Variants in NFATC3 observed in about 807,000 individuals in gnomAD.
NFATC3 encodes the protein nuclear factor of activated T-cells, cytoplasmic 3.
Under a neutral mutation model 98.6 loss-of-function variants are expected in NFATC3, and 46 were observed. That is an observed-to-expected ratio of 0.47 (90% CI 0.37 to 0.60). The LOEUF is 0.60. Among genes scored for constraint, NFATC3 ranks in the 20% least tolerant of loss-of-function variants. NFATC3 has a pLI of 0.00. For missense variants in NFATC3, 1,256 were observed against 1,295.5 expected (o/e 0.97, Z 0.47); for synonymous variants, 512 against 472.2 (o/e 1.08, Z -1.09).
intron 9 of NFATC3, among the ~76,000 whole-genome samples, chr16:68,211,817 C>T (rs1033986007): frequency 2.0e-5 from 3 of 152,182 alleles, no homozygotes; most frequent in African/African-American, 4.8e-5. Flanking sequence ...GCACCGTGCC[C>T]GGCACACTTT....
rs886406568 is a variant in NFATC3 at position 68,227,789 on chromosome 16, T to TG, written c.*1321dup. The TG allele has an allele frequency of 6.6e-6, 1 of 151,362 alleles. No homozygotes were observed. The highest frequency in any genetic ancestry group is 2.4e-5 in the African/African-American group (1 of 41,104). 9.4% of individuals were successfully genotyped at this position (151,362 alleles called of 1,614,324 possible). A position where few individuals can be genotyped will look rare whatever the true frequency, so the allele number is the denominator to read the frequency against. On this transcript the variant is annotated 3_prime_UTR_variant, in exon 10 of 10. Transcript: ENST00000346183. ...TGTCTACCAAAGGAGGTACCCGAGT[T>TG]GGGTACTTTAAAAAAAAAAAAAACC...
chr16:68,222,584 C>T (rs183259202), intron 9 of NFATC3, among the ~76,000 whole-genome samples: 1 of 152,298 alleles, frequency 6.6e-6, no homozygotes, highest in East Asian at 1.9e-4. Context: ...GCCTAAAATA[C>T]ACACTGTGAA....
intron 1 of NFATC3, among the ~76,000 whole-genome samples, chr16:68,110,082 G>A (rs1368476317): frequency 6.6e-6 from 1 of 152,088 alleles, no homozygotes; most frequent in Non-Finnish European, 1.5e-5. Context: ...TTGGCTCACT[G>A]CAACCTCCAC....
chr16:68,202,504 G>A (rs2040967004), intron 9 of NFATC3, among the ~76,000 whole-genome samples: 1 of 152,100 alleles, frequency 6.6e-6, no homozygotes, highest in South Asian at 2.1e-4. Flanking sequence ...GGTTTCACTG[G>A]TGTCTATTTT....
At chr16:68,204,070 C>T (rs1160543198) in intron 9 of NFATC3, among the ~76,000 whole-genome samples, 3 of 152,156 alleles carry the variant, frequency 2.0e-5, no homozygotes, top group African/African-American at 7.2e-5. Flanking sequence ...CATCTGTAAT[C>T]TCAGCTACTT....
At chr16:68,177,037 T>C (rs1344257920) in intron 6 of NFATC3, among the ~76,000 whole-genome samples, 3 of 151,190 alleles carry the variant, frequency 2.0e-5, no homozygotes, top group South Asian at 2.1e-4. Context: ...CTTTTCTTTT[T>C]TTTTTTTTTG....
intron 1 of NFATC3, among the ~76,000 whole-genome samples, chr16:68,104,012 A>G (rs1002979514): frequency 5.3e-5 from 8 of 152,136 alleles, no homozygotes; most frequent in Non-Finnish European, 1.0e-4. Flanking sequence ...TTGGCTGTTC[A>G]GAGAATATTC....
chr16:68,114,852 C>T (rs768617360), intron 1 of NFATC3, among the ~76,000 whole-genome samples: 4 of 152,090 alleles, frequency 2.6e-5, no homozygotes, highest in South Asian at 4.1e-4. Context: ...AGATTACAGG[C>T]GTCAGCCACC....
chr16:68,173,338 G>A (rs986919117), intron 5 of NFATC3, among the ~76,000 whole-genome samples: 27 of 151,868 alleles, frequency 1.8e-4, no homozygotes, highest in African/African-American at 5.8e-4. Flanking sequence ...AGGCTGAGGC[G>A]GGCAGATCAC....
intron 1 of NFATC3, among the ~76,000 whole-genome samples, chr16:68,114,329 C>T (rs574403360): frequency 2.1e-4 from 32 of 151,924 alleles, no homozygotes; most frequent in South Asian, 1.0e-3. Flanking sequence ...ATTCACTGGC[C>T]GTTTTTGCTC....
Position 68,226,918 on chromosome 16 carries a change from A to AAAAAAAAAAAAAAAAAAAAAG in NFATC3, c.*452_*453insAAAAAAAAAAAAAAAGAAAAA, listed in dbSNP as rs2042050120. The AAAAAAAAAAAAAAAAAAAAAG allele has an allele frequency of 1.7e-5, 2 of 117,312 alleles. No individual in the cohort carries two copies. Among genetic ancestry groups the AAAAAAAAAAAAAAAAAAAAAG allele is most frequent in the African/African-American group, 5.3e-5 (2 of 38,094 alleles). The allele number at this position is 117,312 out of a possible 1,614,324, so 7.3% of individuals were successfully genotyped here. ...GAAGCAAAAAAAAAAAAAAAAAAAAAAAAAAGAAAAAAAAAGAAAAGAAAA... is the reference window on the plus strand; with the variant it reads ...GAAGCAAAAAAAAAAAAAAAAAAAAAAAAAAAAAAAAAAAAAAAAAGAAAAAGAAAAAAAAAGAAAAGAAAA... On this transcript the variant is annotated 3_prime_UTR_variant, in exon 10 of 10. Coordinates refer to ENST00000346183, the MANE Select transcript of NFATC3 (RefSeq NM_173165.3).
chr16:68,213,551 G>A (rs2041509952), intron 9 of NFATC3, among the ~76,000 whole-genome samples: 1 of 152,054 alleles, frequency 6.6e-6, no homozygotes, highest in South Asian at 2.1e-4. Context: ...CCTCCAGGCG[G>A]GCATGGTGGC....
chr16:68,119,075 G>A (rs558661189), intron 1 of NFATC3, among the ~76,000 whole-genome samples: 1 of 152,190 alleles, frequency 6.6e-6, no homozygotes, highest in Admixed American at 6.5e-5. Flanking sequence ...CACCGTGTTA[G>A]CCAGCATGGT....
At chr16:68,189,432 T>A (rs1598547076) in intron 8 of NFATC3, 1 of 213,032 alleles carries the variant, frequency 4.7e-6, no homozygotes, top group East Asian at 1.1e-4. Context: ...GAAAAAAGAT[T>A]GTGTTGGCTA....
chr16:68,171,297 A>G (rs1420169162), intron 5 of NFATC3, among the ~76,000 whole-genome samples: 1 of 151,606 alleles, frequency 6.6e-6, no homozygotes, highest in African/African-American at 2.4e-5. Context: ...GTGTGAGCCA[A>G]CGCACCCAGC....
intron 8 of NFATC3, chr16:68,189,551 T>C (rs896971000): frequency 5.2e-5 from 8 of 152,488 alleles, no homozygotes; most frequent in African/African-American, 1.9e-4. Context: ...AAGATCACTT[T>C]ATATGACTCA....
intron 3 of NFATC3, among the ~76,000 whole-genome samples, chr16:68,146,734 A>G (rs1451442989): frequency 6.6e-6 from 1 of 152,220 alleles, no homozygotes. Flanking sequence ...TTCAGGCTTT[A>G]ACCCTCCAGC....
chr16:68,203,423 G>A (rs1469361725), intron 9 of NFATC3, among the ~76,000 whole-genome samples: 1 of 151,938 alleles, frequency 6.6e-6, no homozygotes, highest in East Asian at 1.9e-4. Flanking sequence ...CTTGAGCTCG[G>A]GAGTTTGAGA....
At position 68,122,939 on chromosome 16, in the gene NFATC3, A is replaced by C; in HGVS notation, c.1056A>C (p.Pro352=). The change falls in exon 2 of 10, where the codon CCA becomes CCC. Residue 352 remains proline, a synonymous_variant. Coordinates refer to ENST00000346183, the MANE Select transcript of NFATC3 (RefSeq NM_173165.3). ...KTSEDQAAIL[P]GKLELCSDDQ... is the part of the protein sequence containing the mutation. Reference sequence around the variant, plus strand: ...CTGAAGATCAAGCTGCCATACTACCAGGAAAATTAGAGCTGTGTTCAGATG... The same window carrying C: ...CTGAAGATCAAGCTGCCATACTACCCGGAAAATTAGAGCTGTGTTCAGATG... The C allele has an allele frequency of 6.2e-7, 1 of 1,614,220 alleles. No homozygotes were observed. Among genetic ancestry groups the C allele is most frequent in the Non-Finnish European group, 8.5e-7 (1 of 1,180,040 alleles).
Sources: gnomAD v4.1 joint callset for allele counts (sites outside exome capture counted in the v4.1 genomes callset) on GRCh38, gnomAD v4.1.1 for gene constraint, MANE v1.5 for transcripts, NCBI Gene and HGNC (gene_info 2026-07-23, HGNC 2026-07-21) for gene names.